Variants in CATSPERB observed in about 807,000 individuals in gnomAD.
CATSPERB encodes the protein catsper channel auxiliary subunit beta, also known as cation channel sperm-associated auxiliary subunit beta.
A neutral mutation model predicts 128.3 loss-of-function variants in CATSPERB; 93 were observed. The observed-to-expected ratio is 0.72, with a 90% CI of 0.61 to 0.86. CATSPERB has a LOEUF of 0.86. Ranked by LOEUF, CATSPERB falls within the 40% of genes least tolerant of loss-of-function variation. The pLI is 0.00. For synonymous variants in CATSPERB, 381 were observed against 448.8 expected (o/e 0.85, Z 1.91); for missense variants, 1,153 against 1,329.5 (o/e 0.87, Z 2.06).
chr14:91,676,755 G>A (rs1285646), intron 11 of CATSPERB, among the ~76,000 whole-genome samples: 10,237 of 152,124 alleles, frequency 0.067, 386 homozygotes, highest in Middle Eastern at 0.092. Flanking sequence ...AAAAGAGCCC[G>A]TATAGCCAAG....
chr14:91,619,111 C>A (rs913356620), intron 19 of CATSPERB, among the ~76,000 whole-genome samples: 3 of 152,004 alleles, frequency 2.0e-5, no homozygotes, highest in African/African-American at 7.2e-5. Flanking sequence ...TAGAACATTG[C>A]GGTGTTGGTG....
intron 10 of CATSPERB, among the ~76,000 whole-genome samples, chr14:91,691,070 T>C (rs11851999): frequency 0.015 from 2,220 of 152,326 alleles, 52 homozygotes; most frequent in African/African-American, 0.05. Context: ...GACTAGATTA[T>C]ATGACATTTT....
chr14:91,610,242 T>C (rs1180674938), intron 21 of CATSPERB, among the ~76,000 whole-genome samples: 1 of 152,112 alleles, frequency 6.6e-6, no homozygotes, highest in Non-Finnish European at 1.5e-5. Flanking sequence ...CACACCAACA[T>C]ATAAAGTGTA....
At chr14:91,713,400 G>A (rs1168279090) in intron 5 of CATSPERB, among the ~76,000 whole-genome samples, 2 of 152,068 alleles carry the variant, frequency 1.3e-5, no homozygotes, top group African/African-American at 2.4e-5. Flanking sequence ...ATCAAAAGAT[G>A]TCTCTTTGAA....
At chr14:91,615,983 G>A (rs1417125808) in intron 20 of CATSPERB, among the ~76,000 whole-genome samples, 3 of 151,012 alleles carry the variant, frequency 2.0e-5, no homozygotes, top group South Asian at 2.1e-4. Flanking sequence ...GTGGTCAAGC[G>A]ATTCTCCTGC....
chr14:91,716,635 C>T (rs1237819429), intron 5 of CATSPERB, among the ~76,000 whole-genome samples: 1 of 151,762 alleles, frequency 6.6e-6, no homozygotes, highest in Non-Finnish European at 1.5e-5. Context: ...TTAAATGCCA[C>T]TACACTTTTT....
At position 91,621,944 on chromosome 14, in the gene CATSPERB, A is replaced by G. The variant is rs1894055876; in HGVS notation, c.1931-7T>C. 1 of 1,557,392 alleles carries G rather than the reference A, an allele frequency of 6.4e-7. No homozygotes were observed. The highest frequency in any genetic ancestry group is 1.4e-5 in the African/African-American group (1 of 72,808). The stretch of plus-strand genomic sequence containing the variant: ...TCAAACAAGGCCTGAACAACTGGAG[A>G]TTAAACAGAAGAGACTTGGTATTAA... On this transcript the variant is annotated splice_region_variant and splice_polypyrimidine_tract_variant and intron_variant, in intron 18 of 26. Transcript: ENST00000256343.
chr14:91,664,754 G>T (rs75620733), intron 14 of CATSPERB, among the ~76,000 whole-genome samples: 29 of 152,238 alleles, frequency 1.9e-4, no homozygotes, highest in African/African-American at 7.0e-4. Flanking sequence ...CACAAGAGTT[G>T]TTCCAATTCC....
At chr14:91,691,844 G>A (rs1279444633) in intron 9 of CATSPERB, among the ~76,000 whole-genome samples, 2 of 151,990 alleles carry the variant, frequency 1.3e-5, no homozygotes, top group South Asian at 2.1e-4. Context: ...GATTTGAGAC[G>A]AAAACCATGC....
chr14:91,702,599 C>T (rs1032520695), intron 7 of CATSPERB, among the ~76,000 whole-genome samples: 1 of 150,198 alleles, frequency 6.7e-6, no homozygotes, highest in African/African-American at 2.4e-5. Context: ...GTTTGTTATT[C>T]ATGGTGTATC....
intron 17 of CATSPERB, chr14:91,635,677 A>G (rs541878028): frequency 1.3e-5 from 2 of 152,216 alleles, no homozygotes; most frequent in South Asian, 4.1e-4. Flanking sequence ...ATTCTGAATA[A>G]GAGTTATTAG....
intron 20 of CATSPERB, among the ~76,000 whole-genome samples, chr14:91,613,015 A>C (rs1163724649): frequency 3.3e-5 from 5 of 152,214 alleles, no homozygotes; most frequent in Non-Finnish European, 7.3e-5. Context: ...CAAACTGACT[A>C]TAATTTTTTT....
At chr14:91,660,164 T>TCTACTTTGTCTACCTTCTATTTCC (rs1383978017) in intron 14 of CATSPERB, among the ~76,000 whole-genome samples, 183 bp from the exon 15 acceptor site, 1 of 152,018 alleles carries the variant, frequency 6.6e-6, no homozygotes, top group East Asian at 1.9e-4. Context: ...AGACTCCTTA[T>TCTACTTTGTCTACCTTCTATTTCC]CTACTTTGTC....
At chr14:91,612,018 T>TTCTC (rs1435939290) in intron 20 of CATSPERB, among the ~76,000 whole-genome samples, 58 of 70,058 alleles carry the variant, frequency 8.3e-4, no homozygotes, top group Admixed American at 1.9e-3. Context: ...ACTGTTTTCT[T>TTCTC]TCTTTCTTTC....
Position 91,619,234 on chromosome 14 carries a change from G to C in CATSPERB, c.2261-1498C>G, listed in dbSNP as rs1893998541. Among the ~76,000 whole-genome samples the C allele has an allele frequency of 2.0e-5, 3 of 152,224 alleles. No individual in the cohort carries two copies. In the South Asian group the frequency reaches 6.2e-4, roughly 32 times the overall value. On this transcript the variant is annotated intron_variant, in intron 19 of 26. Coordinates refer to ENST00000256343, the MANE Select transcript of CATSPERB (RefSeq NM_024764.4). ...TATATTTTGAAATCAGCAGAGAAAGGATGCATTAGTGAATAAATAATATTG... is the reference window on the plus strand; with the variant it reads ...TATATTTTGAAATCAGCAGAGAAAGCATGCATTAGTGAATAAATAATATTG...
intron 18 of CATSPERB, among the ~76,000 whole-genome samples, chr14:91,623,542 T>C (rs1340228135): frequency 6.6e-6 from 1 of 152,252 alleles, no homozygotes; most frequent in Non-Finnish European, 1.5e-5. Flanking sequence ...CCATCTTCCC[T>C]GAACTCCAGA....
At chr14:91,682,861 A>G (rs1466967717) in intron 11 of CATSPERB, among the ~76,000 whole-genome samples, 1 of 152,228 alleles carries the variant, frequency 6.6e-6, no homozygotes, top group Non-Finnish European at 1.5e-5. Flanking sequence ...AGAAACTTCC[A>G]GATTAGGCAA....
chr14:91,603,485 A>G, intron 22 of CATSPERB: 1 of 1,204,208 alleles, frequency 8.3e-7, no homozygotes, highest in Admixed American at 1.7e-5. Context: ...TAAGTCTTAA[A>G]GTGTGGGCAA....
intron 14 of CATSPERB, among the ~76,000 whole-genome samples, chr14:91,660,309 G>C (rs775905096): frequency 2.6e-5 from 4 of 152,192 alleles, no homozygotes; most frequent in Non-Finnish European, 4.4e-5. Context: ...GTTCATAAAA[G>C]AATGGAGTGC....
Sources: allele counts gnomAD v4.1 joint callset (sites outside exome capture counted in the v4.1 genomes callset), GRCh38; gene constraint gnomAD v4.1.1; transcripts MANE v1.5; gene names NCBI Gene and HGNC (gene_info 2026-07-23, HGNC 2026-07-21).